The following KIF3C variants were observed in gnomAD, a reference collection of about 807,000 sequenced individuals.
KIF3C encodes the protein kinesin-like protein KIF3C.
In KIF3C, 12 loss-of-function variants were observed where a neutral mutation model predicts 67.7. The ratio of observed to expected loss-of-function variants is 0.18; its 90% CI spans 0.11 to 0.29. The LOEUF (loss-of-function observed/expected upper bound fraction) is 0.29. Among genes scored for constraint, KIF3C ranks in the 10% least tolerant of loss-of-function variants. KIF3C has a pLI of 1.00. For synonymous variants in KIF3C, 393 were observed against 426.2 expected (o/e 0.92, Z 0.96); for missense variants, 789 against 1,059.6 (o/e 0.74, Z 3.55).
chr2:25,954,626 C>T (rs1663758405), intron 3 of KIF3C, among the ~76,000 whole-genome samples: 1 of 152,238 alleles, frequency 6.6e-6, no homozygotes, highest in Admixed American at 6.5e-5. Context: ...TTCTCAGCTG[C>T]TATCAGCATC....
chr2:25,947,729 T>C (rs1048218285), intron 5 of KIF3C, among the ~76,000 whole-genome samples: 1 of 152,062 alleles, frequency 6.6e-6, no homozygotes, highest in African/African-American at 2.4e-5. Context: ...AGTTTATGTA[T>C]AAAAAAAGAA....
intron 5 of KIF3C, among the ~76,000 whole-genome samples, chr2:25,942,975 G>A (rs1329141678): frequency 6.6e-6 from 1 of 152,146 alleles, no homozygotes; most frequent in East Asian, 1.9e-4. Context: ...TTGAACAGAA[G>A]CTTTCTAATG....
intron 1 of KIF3C, among the ~76,000 whole-genome samples, chr2:25,962,811 TATATATAATATATAAA>T (rs1663991090): frequency 1.3e-5 from 1 of 78,846 alleles, no homozygotes; most frequent in Non-Finnish European, 2.2e-5. Flanking sequence ...TAATATATAA[TATATATAATATATAAA>T]ATATATAAAA....
At chr2:25,968,728 TCTGTCCTTCA>T (rs961718383) in intron 1 of KIF3C, among the ~76,000 whole-genome samples, 3 of 152,154 alleles carry the variant, frequency 2.0e-5, no homozygotes, top group African/African-American at 7.2e-5. Context: ...GTCATTCCTC[TCTGTCCTTCA>T]CTGTCCTTCA....
At position 25,928,607 on chromosome 2, in the gene KIF3C, AGGGACTGTCTTCTCAGGC is replaced by A; in HGVS notation, c.*353_*370del. 3 of 177,790 alleles carry A rather than the reference AGGGACTGTCTTCTCAGGC, an allele frequency of 1.7e-5. No individual in the cohort carries two copies. The highest frequency in any genetic ancestry group is 1.3e-4 in the South Asian group (1 of 7,848). 11.0% of individuals were successfully genotyped at this position (177,790 alleles called of 1,614,324 possible). ...GGTTATGGAGTGCGGTGGGTAGAAA[AGGGACTGTCTTCTCAGGC>A]ACTGGCTACCTTCCCTTCTGGAGGC... On this transcript the variant is annotated 3_prime_UTR_variant, in exon 8 of 8. Transcript: ENST00000264712.
Position 25,982,043 on chromosome 2 carries a change from AG to A in KIF3C, c.-127del. 1 of 740,262 alleles carries A rather than the reference AG, an allele frequency of 1.4e-6. No homozygotes were observed. 45.9% of individuals were successfully genotyped at this position (740,262 alleles called of 1,614,324 possible). ...AGGCGCAGCTCTTCAATCCGCATGC[AG>A]CCTCCTAGGGTGGGGACGCTGGGAG... On this transcript the variant is annotated 5_prime_UTR_variant, in exon 1 of 8. An upstream open reading frame in the 5' UTR gains an earlier in-frame stop. Transcript: ENST00000264712.
At chr2:25,952,833 C>G (rs959069435) in intron 4 of KIF3C, among the ~76,000 whole-genome samples, 1 of 151,838 alleles carries the variant, frequency 6.6e-6, no homozygotes, top group Non-Finnish European at 1.5e-5. Flanking sequence ...GCTGGGATTA[C>G]AGGTATAAGC....
In KIF3C at chr2:25,980,733, C is replaced by T. The variant is rs145404903; in HGVS notation, c.1185G>A (p.Glu395=). 2.7e-5 allele frequency: 43 copies of T among 1,614,166 alleles called. No individual in the cohort carries two copies. Among genetic ancestry groups the T allele is most frequent in the Non-Finnish European group, 3.3e-5 (39 of 1,179,978 alleles). Residue 395 remains glutamate (E), a synonymous_variant, in exon 1 of 8, where the codon GAG becomes GAA. Transcript: ENST00000264712. The surrounding 1 kb of genome is among the most constrained non-coding windows in gnomAD (Gnocchi z 7.6). The stretch of plus-strand genomic sequence containing the variant: ...GCCGCTTCCCCAGCATCCCCCTCTT[C>T]TCCAGCTGGGCCTTCAGGCGGGCAA... ...EEIARLKAQL[E]KRGMLGKRPR...
intron 5 of KIF3C, among the ~76,000 whole-genome samples, chr2:25,940,277 A>T (rs1663247888): frequency 6.6e-6 from 1 of 152,168 alleles, no homozygotes; most frequent in South Asian, 2.1e-4. Flanking sequence ...GGTTAAAAAA[A>T]CTTACTCAAG....
At chr2:25,929,870 C>T in intron 6 of KIF3C, 85 bp downstream of exon 6, 3 of 928,802 alleles carry the variant, frequency 3.2e-6, no homozygotes, top group Non-Finnish European at 5.3e-6. Context: ...CCTGCCTCGG[C>T]CTCCCACAGT....
chr2:25,981,112 G>C lies in KIF3C; in HGVS notation c.806C>G (p.Ser269Trp), dbSNP rs150389136. ...NTAGGAATPS[S>W]GGGGGGGGSG... ...GCCTCCACCGCCACCACCGCCACCCGAGGATGGTGTGGCTGCCCCTCCCGC... is the reference window on the plus strand; with the variant it reads ...GCCTCCACCGCCACCACCGCCACCCCAGGATGGTGTGGCTGCCCCTCCCGC... The change falls in exon 1 of 8, where the codon TCG (serine) becomes TGG (tryptophan). Residue 269 changes from serine to tryptophan, a missense_variant. Physicochemically the swap from Ser to Trp is radical, Grantham distance 177. Transcript: ENST00000264712. The surrounding 1 kb of genome is among the most constrained non-coding windows in gnomAD (Gnocchi z 8.2). 6.8e-5 allele frequency: 110 copies of C among 1,614,166 alleles called. 1 individual carries two copies. The South Asian group carries it at 1.2e-3, about 17-fold the overall frequency.
chr2:25,976,803 T>C (rs1325419826), intron 1 of KIF3C, among the ~76,000 whole-genome samples: 1 of 152,152 alleles, frequency 6.6e-6, no homozygotes, highest in Non-Finnish European at 1.5e-5. Context: ...CATTTAAAAA[T>C]TGTCTTGCAT....
Position 25,980,920 on chromosome 2 carries a change from T to G in KIF3C, c.998A>C (p.Asn333Thr). 1 of 1,614,204 alleles carries G rather than the reference T, an allele frequency of 6.2e-7. No homozygotes were observed. The highest frequency in any genetic ancestry group is 8.5e-7 in the Non-Finnish European group (1 of 1,180,036). The change falls in exon 1 of 8, where the codon AAT becomes ACT. Residue 333 changes from asparagine (N) to threonine (T), a missense_variant. Transcript: ENST00000264712. This position sits in a 1 kb window ranked among gnomAD's most constrained non-coding sequence, Gnocchi z 7.6. ...TRLLQDSLGG[N>T]AKTIMVATLG... ...TGTGGCTACCATGATGGTCTTGGCA[T>G]TCCCCCCCAGGGAGTCCTGGAGCAG...
At chr2:25,939,198 C>T (rs1663222095) in intron 5 of KIF3C, among the ~76,000 whole-genome samples, 1 of 152,116 alleles carries the variant, frequency 6.6e-6, no homozygotes, top group Admixed American at 6.6e-5. Flanking sequence ...GAACTCCTGG[C>T]CTGAAGTGAT....
chr2:25,941,045 C>T (rs1301700478), intron 5 of KIF3C, among the ~76,000 whole-genome samples: 12 of 152,096 alleles, frequency 7.9e-5, no homozygotes, highest in East Asian at 5.8e-4. Flanking sequence ...CAGTGGCTTA[C>T]GCTTGTAACC....
Position 25,980,546 on chromosome 2 carries a change from C to T in KIF3C, c.1372G>A (p.Glu458Lys), listed in dbSNP as rs1473756466. Residue 458 changes from glutamate (E) to lysine (K), a missense_variant, in exon 1 of 8, where the codon GAG becomes AAG. By Grantham distance (56) the Glu-to-Lys change is moderately conservative (BLOSUM62 1). Coordinates refer to ENST00000264712, the MANE Select transcript of KIF3C (RefSeq NM_002254.8). The surrounding 1 kb of genome is among the most constrained non-coding windows in gnomAD (Gnocchi z 7.6). ...TCCTTCTGTTCCTGCAGGTAATTCT[C>T]CATGTTCTTCTCCAAGGCTGACTCC... The part of the protein sequence containing the change: ...ILESALEKNM[E>K]NYLQEQKERL... 6.2e-7 allele frequency: 1 copy of T among 1,614,162 alleles called. No homozygotes were observed. The highest frequency in any genetic ancestry group is 8.5e-7 in the Non-Finnish European group (1 of 1,180,030).
chr2:25,943,208 G>C (rs553013826), intron 5 of KIF3C, among the ~76,000 whole-genome samples: 1 of 152,318 alleles, frequency 6.6e-6, no homozygotes, highest in South Asian at 2.1e-4. Context: ...TGCGGCAAGT[G>C]GTGGGATCCA....
Position 25,981,983 on chromosome 2 carries a change from G to C in KIF3C, c.-66C>G, listed in dbSNP as rs964980752. 1 of 1,340,520 alleles carries C rather than the reference G, an allele frequency of 7.5e-7. No homozygotes were observed. 83.0% of individuals were successfully genotyped at this position (1,340,520 alleles called of 1,614,324 possible). On this transcript the variant is annotated 5_prime_UTR_variant, in exon 1 of 8. Coordinates refer to ENST00000264712, the MANE Select transcript of KIF3C (RefSeq NM_002254.8). This position sits in a 1 kb window ranked among gnomAD's most constrained non-coding sequence, Gnocchi z 8.2. ...CCTGGGCGGTCCTGCTATCCTGCTC[G>C]CTAGGTCGGGATCAGCGGGGCCGGC...
At chr2:25,957,794 C>A (rs1663844523) in intron 1 of KIF3C, among the ~76,000 whole-genome samples, 1 of 152,184 alleles carries the variant, frequency 6.6e-6, no homozygotes, top group Non-Finnish European at 1.5e-5. Flanking sequence ...CAAGTTGGGC[C>A]CGCCAGAGAG....
Sources: allele counts gnomAD v4.1 joint callset (sites outside exome capture counted in the v4.1 genomes callset), GRCh38; gene constraint gnomAD v4.1.1; non-coding constraint Gnocchi (gnomAD v3.1); transcripts MANE v1.5; gene names NCBI Gene and HGNC (gene_info 2026-07-23, HGNC 2026-07-21).